The following NCALD variants were observed in gnomAD, a reference collection of about 807,000 sequenced individuals.
The protein encoded by NCALD is neurocalcin-delta.
A neutral mutation model predicts 18.6 loss-of-function variants in NCALD; 10 were observed. The observed-to-expected ratio is 0.54, with a 90% CI of 0.33 to 0.91. The LOEUF (loss-of-function observed/expected upper bound fraction) is 0.91. Ranked by LOEUF, NCALD falls within the 40% of genes least tolerant of loss-of-function variation. NCALD has a pLI of 0.03. For synonymous variants in NCALD, 88 were observed against 87.4 expected (o/e 1.01, Z -0.04); for missense variants, 184 against 247.6 (o/e 0.74, Z 1.72).
At chr8:102,027,054 A>C (rs1822484277) in intron 1 of NCALD, among the ~76,000 whole-genome samples, 1 of 152,204 alleles carries the variant, frequency 6.6e-6, no homozygotes, top group Non-Finnish European at 1.5e-5. Context: ...CAGGGCAGGG[A>C]GGCCCTGGGC....
intron 4 of NCALD, among the ~76,000 whole-genome samples, chr8:101,817,425 A>T (rs1813541094): frequency 6.6e-6 from 1 of 152,170 alleles, no homozygotes; most frequent in South Asian, 2.1e-4. Context: ...CATTAAAAGA[A>T]AGTCTCTTTT....
At chr8:101,871,468 C>T (rs1012675691) in intron 4 of NCALD, among the ~76,000 whole-genome samples, 15 of 152,262 alleles carry the variant, frequency 9.9e-5, no homozygotes, top group African/African-American at 3.4e-4. Context: ...CATGCTAGAA[C>T]CCAACACAGT....
intron 2 of NCALD, among the ~76,000 whole-genome samples, chr8:101,983,974 T>C (rs1820713723): frequency 6.6e-6 from 1 of 152,222 alleles, no homozygotes; most frequent in South Asian, 2.1e-4. Context: ...TTAACCATGC[T>C]GACACTTTTG....
rs1473434614 is a variant in NCALD at position 102,001,211 on chromosome 8, G to A, written c.-157+19026C>T. Among the ~76,000 whole-genome samples, 12 of 152,324 alleles carry A rather than the reference G, an allele frequency of 7.9e-5. No homozygotes were observed. The South Asian group carries it at 8.3e-4, about 11-fold the overall frequency. On this transcript the variant is annotated intron_variant, in intron 2 of 6. Transcript: ENST00000311028. ...CTGATGGAGCTGAAAACCATGGCAC[G>A]AGAACTACGTGATGAACGCACAAGC...
At chr8:101,831,410 T>C (rs1302221198) in intron 4 of NCALD, among the ~76,000 whole-genome samples, 1 of 152,208 alleles carries the variant, frequency 6.6e-6, no homozygotes, top group African/African-American at 2.4e-5. Flanking sequence ...ACCTTGCATG[T>C]ACCCACTCTC....
chr8:101,811,873 T>C (rs1166726829), intron 4 of NCALD, among the ~76,000 whole-genome samples: 1 of 152,204 alleles, frequency 6.6e-6, no homozygotes, highest in Admixed American at 6.5e-5. Flanking sequence ...TTAAATTGCA[T>C]GGACAATTTT....
intron 4 of NCALD, among the ~76,000 whole-genome samples, chr8:101,824,724 A>G (rs1813861680): frequency 6.6e-6 from 1 of 152,210 alleles, no homozygotes; most frequent in Admixed American, 6.5e-5. Flanking sequence ...TGATAAAACT[A>G]AAGGTAATTA....
chr8:101,999,959 G>A (rs772121156), intron 2 of NCALD, among the ~76,000 whole-genome samples: 1 of 152,156 alleles, frequency 6.6e-6, no homozygotes, highest in Non-Finnish European at 1.5e-5. Flanking sequence ...CTGCATGAGC[G>A]ACGCAGAAGA....
At chr8:102,085,842 A>G (rs1422099837) in intron 1 of NCALD, among the ~76,000 whole-genome samples, 4 of 152,044 alleles carry the variant, frequency 2.6e-5, no homozygotes, top group Non-Finnish European at 4.4e-5. Flanking sequence ...AATTGGCTTT[A>G]GGCTTTTAAC....
intron 3 of NCALD, among the ~76,000 whole-genome samples, chr8:101,894,890 G>T (rs1243958010): frequency 2.0e-5 from 3 of 150,506 alleles, no homozygotes; most frequent in Non-Finnish European, 4.4e-5. Context: ...CAACCAAAAA[G>T]ATTCCAGGAC....
chr8:102,097,060 G>A (rs554721591), intron 1 of NCALD, among the ~76,000 whole-genome samples: 33 of 152,238 alleles, frequency 2.2e-4, no homozygotes, highest in African/African-American at 7.2e-4. Flanking sequence ...TGACTTCTGG[G>A]AAATACAATT....
At chr8:101,898,189 A>G (rs1338147020) in intron 3 of NCALD, among the ~76,000 whole-genome samples, 1 of 152,212 alleles carries the variant, frequency 6.6e-6, no homozygotes, top group East Asian at 1.9e-4. Flanking sequence ...CAGTGTGAGA[A>G]CAGACTAATA....
At chr8:101,878,991 T>A (rs1476577222) in intron 4 of NCALD, among the ~76,000 whole-genome samples, 1 of 152,214 alleles carries the variant, frequency 6.6e-6, no homozygotes, top group African/African-American at 2.4e-5. Flanking sequence ...ATCAGTCTTA[T>A]CAGACTTCAA....
intron 2 of NCALD, among the ~76,000 whole-genome samples, chr8:101,959,876 G>A: frequency 1.1e-5 from 1 of 91,312 alleles, no homozygotes; most frequent in Admixed American, 1.3e-4. Flanking sequence ...CCCTACTGCA[G>A]ACACCTTTTC....
chr8:101,768,834 T>G lies in NCALD; in HGVS notation c.-20+22028A>C, dbSNP rs371074522. 1.8e-4 allele frequency among the ~76,000 whole-genome samples: 28 copies of G among 152,318 alleles called. No individual in the cohort carries two copies. The East Asian group carries it at 5.0e-3, about 27-fold the overall frequency. ...TCTGTGGTAGGCAGAATAATGGTCT[T>G]CCAAAGATATTCACATCCTAATCCC... On this transcript the variant is annotated intron_variant, in intron 1 of 3. Transcript: ENST00000220931.
chr8:102,002,797 A>T (rs980212605), intron 2 of NCALD, among the ~76,000 whole-genome samples: 3 of 152,240 alleles, frequency 2.0e-5, no homozygotes, highest in African/African-American at 4.8e-5. Flanking sequence ...TAACGAAATA[A>T]AGGCAGAAAT....
At chr8:101,970,555 G>A (rs577669253) in intron 2 of NCALD, among the ~76,000 whole-genome samples, 1 of 152,274 alleles carries the variant, frequency 6.6e-6, no homozygotes, top group South Asian at 2.1e-4. Context: ...TTTTCTAGCA[G>A]TATATTACTC....
At chr8:102,094,327 G>A (rs539322082) in intron 1 of NCALD, among the ~76,000 whole-genome samples, 8 of 152,300 alleles carry the variant, frequency 5.3e-5, no homozygotes, top group African/African-American at 1.7e-4. Context: ...TGTACCAGAT[G>A]CTTTGTATAA....
intron 4 of NCALD, among the ~76,000 whole-genome samples, chr8:101,833,424 G>A (rs6991592): frequency 0.37 from 56,559 of 151,890 alleles, 12,867 homozygotes; most frequent in African/African-American, 0.64. Context: ...CATAATATAG[G>A]AAAGCTGAAC....
Sources: gnomAD v4.1 joint callset for allele counts (sites outside exome capture counted in the v4.1 genomes callset) on GRCh38, gnomAD v4.1.1 for gene constraint, MANE v1.5 for transcripts, NCBI Gene and HGNC (gene_info 2026-07-23, HGNC 2026-07-21) for gene names.